The following KAZN variants were observed in gnomAD, a reference collection of about 807,000 sequenced individuals.
The protein encoded by KAZN is kazrin.
KAZN carries 40 observed loss-of-function variants against 87.4 expected under a neutral mutation model. That is an observed-to-expected ratio of 0.46 (90% confidence interval 0.36 to 0.60). The LOEUF (loss-of-function observed/expected upper bound fraction) is 0.60. KAZN is among the 20% of genes least tolerant of loss of function. The pLI, the probability that KAZN is intolerant of heterozygous loss-of-function variation, is 0.00. For missense variants in KAZN, 898 were observed against 1,073.9 expected, an observed-to-expected ratio of 0.84 and a Z score of 2.29; for synonymous variants, 466 against 458.3, an observed-to-expected ratio of 1.02 and a Z score of -0.22.
At chr1:14,602,739 A>G (rs1181158930) in intron 1 of KAZN, among the ~76,000 whole-genome samples, 1 of 152,240 alleles carries the variant, frequency 6.6e-6, no homozygotes, top group Non-Finnish European at 1.5e-5. Flanking sequence ...ATTAAGTGCT[A>G]TGGTACCCAA....
chr1:14,620,553 G>A (rs115210607), intron 1 of KAZN, among the ~76,000 whole-genome samples: 3,782 of 152,250 alleles, frequency 0.025, 119 homozygotes, highest in Admixed American at 0.09. Context: ...GGCACATGTT[G>A]TCCAGAGGAG....
rs1638288916 is a variant in KAZN, at chr1:15,056,489, T to G, written c.916+209T>G. The stretch of plus-strand genomic sequence containing the variant: ...GGTTCAAACACTATCTGGGTCCCTC[T>G]GACCGTCTCTCCATCTCTTAGCTCT... On this transcript the variant is annotated intron_variant, in intron 5 of 14. Coordinates refer to ENST00000376030, the MANE Select transcript of KAZN (RefSeq NM_201628.3). The surrounding 1 kb of genome is among the most constrained non-coding windows in gnomAD (Gnocchi z 5.4). 6.6e-6 allele frequency among the ~76,000 whole-genome samples: 1 copy of G among 152,244 alleles called. No homozygotes were observed. The highest frequency in any genetic ancestry group is 6.5e-5 in the Admixed American group (1 of 15,280).
intron 2 of KAZN, among the ~76,000 whole-genome samples, chr1:14,966,318 CCAAA>C (rs1437132277): frequency 6.6e-6 from 1 of 152,094 alleles, no homozygotes; most frequent in Non-Finnish European, 1.5e-5. Flanking sequence ...CTGTATTTTC[CCAAA>C]CAGATTCGAG....
intron 2 of KAZN, among the ~76,000 whole-genome samples, chr1:14,522,126 T>G (rs1671621956): frequency 2.0e-5 from 3 of 152,194 alleles, no homozygotes. Context: ...AGAAGTCCCC[T>G]GCCTTTTGCC....
chr1:13,944,553 T>A (rs1400450711), intron 1 of KAZN, among the ~76,000 whole-genome samples: 3 of 152,226 alleles, frequency 2.0e-5, no homozygotes, highest in Non-Finnish European at 4.4e-5. Flanking sequence ...TTCAAATGTA[T>A]GTAGAATTAA....
intron 2 of KAZN, among the ~76,000 whole-genome samples, chr1:14,196,391 T>C (rs1463388251): frequency 6.6e-6 from 1 of 152,134 alleles, no homozygotes; most frequent in African/African-American, 2.4e-5. Context: ...GTAACCCAGA[T>C]ATGAAATAAT....
chr1:14,872,022 G>C (rs957004907), intron 1 of KAZN, among the ~76,000 whole-genome samples: 28 of 152,212 alleles, frequency 1.8e-4, no homozygotes, highest in Non-Finnish European at 1.5e-5. Context: ...AGCAAGGCAA[G>C]AGGCTATTGC....
intron 1 of KAZN, among the ~76,000 whole-genome samples, chr1:14,854,089 G>A (rs2100991344): frequency 6.6e-6 from 1 of 152,270 alleles, no homozygotes; most frequent in Non-Finnish European, 1.5e-5. Context: ...AGAGGACCAG[G>A]GGTCTCAGTT....
intron 1 of KAZN, among the ~76,000 whole-genome samples, chr1:14,606,810 G>T (rs1677404574): frequency 6.6e-6 from 1 of 152,074 alleles, no homozygotes; most frequent in African/African-American, 2.4e-5. Flanking sequence ...AGCATTCCTG[G>T]CCTCTACCCA....
intron 2 of KAZN, among the ~76,000 whole-genome samples, chr1:14,335,747 G>GCACA (rs969846980): frequency 1.3e-5 from 2 of 150,980 alleles, no homozygotes. Flanking sequence ...GCATGTGCGC[G>GCACA]CACACACACA....
chr1:14,219,537 A>T (rs1388957832), intron 2 of KAZN, among the ~76,000 whole-genome samples: 1 of 152,222 alleles, frequency 6.6e-6, no homozygotes, highest in Non-Finnish European at 1.5e-5. Context: ...TTGGACAGGC[A>T]GACCTGTAAA....
intron 1 of KAZN, among the ~76,000 whole-genome samples, chr1:14,146,554 A>G (rs886779571): frequency 3.4e-5 from 5 of 146,556 alleles, no homozygotes; most frequent in Admixed American, 6.7e-5. Context: ...AAAAAAAAAA[A>G]AAAGAAAAGA....
Position 15,094,341 on chromosome 1 carries a change from C to A in KAZN, c.1384C>A (p.Pro462Thr). The change falls in exon 9 of 15, where the codon CCT (proline) becomes ACT (threonine). Residue 462 changes from proline (P) to threonine (T), a missense_variant. Physicochemically the swap from Pro to Thr is conservative, Grantham distance 38. Coordinates refer to ENST00000376030, the MANE Select transcript of KAZN (RefSeq NM_201628.3). This position sits in a 1 kb window ranked among gnomAD's most constrained non-coding sequence, Gnocchi z 4.5. ...QAWLEVVMAMPMYVKACTENV... is the reference protein window; with the variant it reads ...QAWLEVVMAMTMYVKACTENV... Reference sequence around the variant, plus strand: ...CTGGCTGGAGGTGGTGATGGCCATGCCTATGTACGTCAAGGCCTGCACGGA... The same window carrying A: ...CTGGCTGGAGGTGGTGATGGCCATGACTATGTACGTCAAGGCCTGCACGGA... The A allele has an allele frequency of 6.2e-7, 1 of 1,613,888 alleles. No individual in the cohort carries two copies.
chr1:14,033,602 C>T (rs1235174705), intron 1 of KAZN, among the ~76,000 whole-genome samples: 3 of 152,206 alleles, frequency 2.0e-5, no homozygotes, highest in African/African-American at 7.2e-5. Flanking sequence ...TGTTCAGCCA[C>T]TGGAAGGTTA....
intron 2 of KAZN, among the ~76,000 whole-genome samples, chr1:15,018,020 C>T (rs557969475): frequency 6.6e-6 from 1 of 152,236 alleles, no homozygotes; most frequent in Admixed American, 6.5e-5. Context: ...TAGGGTTCTC[C>T]CCTCTGATCT....
rs187227534 is a variant in KAZN at position 14,554,686 on chromosome 1, T to C, written c.250-44297T>C. The stretch of plus-strand genomic sequence containing the variant: ...CCGGTACTTGACATCTCTAGAAAGA[T>C]CTGTATTGGAGTCCATGTTTTCATG... On this transcript the variant is annotated intron_variant, in intron 2 of 16. Transcript: ENST00000636203. 1.1e-3 allele frequency among the ~76,000 whole-genome samples: 173 copies of C among 152,320 alleles called. 4 individuals are homozygous for C. The highest frequency in any genetic ancestry group is 6.8e-3 in the Middle Eastern group (2 of 294).
chr1:14,182,265 A>G (rs1461187997), intron 2 of KAZN, among the ~76,000 whole-genome samples: 2 of 152,178 alleles, frequency 1.3e-5, no homozygotes, highest in East Asian at 3.9e-4. Context: ...CCTAAGTCAT[A>G]TGCTAAAAAG....
At chr1:14,671,474 C>T (rs1258526876) in intron 1 of KAZN, among the ~76,000 whole-genome samples, 1 of 151,894 alleles carries the variant, frequency 6.6e-6, no homozygotes, top group Admixed American at 6.5e-5. Flanking sequence ...CTTTCACTCC[C>T]CCATTCACAA....
chr1:14,967,591 T>C (rs1359584527), intron 2 of KAZN, among the ~76,000 whole-genome samples: 1 of 151,892 alleles, frequency 6.6e-6, no homozygotes, highest in Non-Finnish European at 1.5e-5. Context: ...GCCCAGTGGA[T>C]CACAAGGGCC....
Sources: allele counts gnomAD v4.1 joint callset (sites outside exome capture counted in the v4.1 genomes callset), GRCh38; gene constraint gnomAD v4.1.1; non-coding constraint Gnocchi (gnomAD v3.1); transcripts MANE v1.5; gene names NCBI Gene and HGNC (gene_info 2026-07-23, HGNC 2026-07-21).